The following FBXW10B variants were observed in gnomAD, a reference collection of about 807,000 sequenced individuals.
FBXW10B encodes F-box and WD repeat domain containing 10B.
At chr17:15,601,685 T>A in the FBXW10B span, among the ~76,000 whole-genome samples, 1 of 152,136 alleles carries the variant, frequency 6.6e-6, no homozygotes, top group Non-Finnish European at 1.5e-5. Context: ...ACACAGATGA[T>A]CTAATTGAGT....
chr17:15,614,678 T>A, the FBXW10B span, among the ~76,000 whole-genome samples: 1 of 152,138 alleles, frequency 6.6e-6, no homozygotes, highest in African/African-American at 2.4e-5. Context: ...ATTGGTAAAG[T>A]GTTGATAATT....
chr17:15,601,049 CAAAA>C, the FBXW10B span, among the ~76,000 whole-genome samples: 3 of 28,260 alleles, frequency 1.1e-4, no homozygotes, highest in South Asian at 6.8e-3. Flanking sequence ...GACTCCATCT[CAAAA>C]AAAAAAAAAA....
the FBXW10B span, among the ~76,000 whole-genome samples, chr17:15,567,577 A>T: frequency 6.6e-6 from 1 of 152,004 alleles, no homozygotes; most frequent in Admixed American, 6.5e-5. Flanking sequence ...GAAAATGCAG[A>T]CCCCATTTTG....
the FBXW10B span, among the ~76,000 whole-genome samples, chr17:15,592,595 C>T: frequency 6.6e-6 from 1 of 152,084 alleles, no homozygotes; most frequent in East Asian, 1.9e-4. Context: ...ACCAGCTCAG[C>T]TTTCCCCCAC....
At chr17:15,603,052 T>G in the FBXW10B span, among the ~76,000 whole-genome samples, 1 of 144,494 alleles carries the variant, frequency 6.9e-6, no homozygotes, top group Non-Finnish European at 1.5e-5. Flanking sequence ...GCCCAGCTAA[T>G]TTTGTATTTT....
At chr17:15,599,196 T>TTTACATCATA in the FBXW10B span, among the ~76,000 whole-genome samples, 1 of 129,222 alleles carries the variant, frequency 7.7e-6, no homozygotes, top group African/African-American at 3.0e-5. Context: ...AAAAAGAGTA[T>TTTACATCATA]TTACATCATA....
At chr17:15,587,123 T>A in the FBXW10B span, among the ~76,000 whole-genome samples, 14 of 151,398 alleles carry the variant, frequency 9.2e-5, 1 homozygote, top group African/African-American at 3.4e-4. Context: ...GGCCAGTTAG[T>A]ATAAGTGTAA....
the FBXW10B span, among the ~76,000 whole-genome samples, chr17:15,602,925 C>T: frequency 2.8e-5 from 3 of 107,722 alleles, 1 homozygote; most frequent in African/African-American, 5.3e-5. Context: ...CCGCGCCCGG[C>T]GAGACCGAGT....
chr17:15,617,421 G>A, the FBXW10B span, among the ~76,000 whole-genome samples: 1 of 152,050 alleles, frequency 6.6e-6, no homozygotes, highest in African/African-American at 2.4e-5. Flanking sequence ...GCTTCCCCAT[G>A]TTGGACCTTC....
the FBXW10B span, among the ~76,000 whole-genome samples, chr17:15,604,969 T>C: frequency 3.3e-5 from 5 of 152,216 alleles, no homozygotes; most frequent in African/African-American, 9.7e-5. Context: ...ATAAAGAAAA[T>C]TTTTCTGATT....
At chr17:15,616,743 A>G in the FBXW10B span, among the ~76,000 whole-genome samples, 1 of 144,112 alleles carries the variant, frequency 6.9e-6, no homozygotes, top group Non-Finnish European at 1.5e-5. Flanking sequence ...CGGGAGGCGG[A>G]GCTTGCAGCA....
chr17:15,619,008 C>T, the FBXW10B span: 1 of 1,612,298 alleles, frequency 6.2e-7, no homozygotes, highest in East Asian at 2.2e-5. Flanking sequence ...CCTTGTTTAC[C>T]TGAGATATTG....
chr17:15,578,182 A>T, the FBXW10B span, among the ~76,000 whole-genome samples: 2 of 152,034 alleles, frequency 1.3e-5, no homozygotes, highest in Non-Finnish European at 2.9e-5. Flanking sequence ...AATGGCCAAT[A>T]GACCAAATCC....
the FBXW10B span, chr17:15,612,584 G>C: frequency 7.0e-7 from 1 of 1,428,242 alleles, no homozygotes; most frequent in Non-Finnish European, 9.5e-7. Flanking sequence ...TCCTTAAGGA[G>C]TGTCACCTGC....
At chr17:15,598,178 G>A in the FBXW10B span, among the ~76,000 whole-genome samples, 1 of 152,052 alleles carries the variant, frequency 6.6e-6, no homozygotes, top group Non-Finnish European at 1.5e-5. Flanking sequence ...TGTTGTTCAT[G>A]GACTTATTAT....
chr17:15,570,564 T>C, the FBXW10B span, among the ~76,000 whole-genome samples: 1 of 152,198 alleles, frequency 6.6e-6, no homozygotes, highest in Admixed American at 6.5e-5. Flanking sequence ...AACTGGACCT[T>C]GGTCAGTGTT....
chr17:15,607,492 C>T, the FBXW10B span: 1 of 1,284,002 alleles, frequency 7.8e-7, no homozygotes, highest in Non-Finnish European at 1.1e-6. Flanking sequence ...TTTCCATGTA[C>T]ACAAAGGTCA....
chr17:15,569,448 T>C, the FBXW10B span, among the ~76,000 whole-genome samples: 15 of 144,008 alleles, frequency 1.0e-4, no homozygotes, highest in African/African-American at 3.7e-4. Flanking sequence ...TTTTTCTTTT[T>C]CTTTTTCTTT....
At chr17:15,591,692 T>TTTTG in the FBXW10B span, among the ~76,000 whole-genome samples, 141 of 151,638 alleles carry the variant, frequency 9.3e-4, 1 homozygote, top group South Asian at 9.2e-3. Flanking sequence ...AATTCAGTGT[T>TTTTG]TTTGTTTGTT....
Sources: gnomAD v4.1 joint callset for allele counts (sites outside exome capture counted in the v4.1 genomes callset) on GRCh38, gnomAD v4.1.1 for gene constraint, MANE v1.5 for transcripts, NCBI Gene and HGNC (gene_info 2026-07-23, HGNC 2026-07-21) for gene names.